Variants in NAALADL2 observed in about 807,000 individuals in gnomAD.
NAALADL2 encodes the protein N-acetylated alpha-linked acidic dipeptidase like 2.
A neutral mutation model predicts 87.2 loss-of-function variants in NAALADL2; 76 were observed. The ratio of observed to expected loss-of-function variants is 0.87; its 90% CI spans 0.72 to 1.05. The LOEUF (loss-of-function observed/expected upper bound fraction) is 1.05, where lower values mean the gene tolerates loss of function less well. Among genes scored for constraint, NAALADL2 ranks in the 50% least tolerant of loss-of-function variants. The pLI is 0.00. For missense variants in NAALADL2, 1,089 were observed against 945.8 expected (o/e 1.15, Z -1.99); for synonymous variants, 354 against 331.0 (o/e 1.07, Z -0.75).
chr3:174,625,057 CTTT>C (rs1553802468), intron 2 of NAALADL2, among the ~76,000 whole-genome samples: 6 of 78,840 alleles, frequency 7.6e-5, no homozygotes, highest in African/African-American at 2.5e-4. Flanking sequence ...CTCTCTCTCT[CTTT>C]TTTTTTTTTT....
intron 2 of NAALADL2, among the ~76,000 whole-genome samples, chr3:174,603,976 C>A (rs1276339508): frequency 6.6e-6 from 1 of 152,012 alleles, no homozygotes; most frequent in Admixed American, 6.6e-5. Flanking sequence ...GTTTTGTGAC[C>A]TTACATATGG....
chr3:175,283,865 C>T (rs1412991337), intron 4 of NAALADL2, among the ~76,000 whole-genome samples: 3 of 152,024 alleles, frequency 2.0e-5, no homozygotes, highest in African/African-American at 7.2e-5. Context: ...TATCTCTATA[C>T]CAAACGTTCT....
chr3:175,622,593 A>G (rs1726385962), intron 10 of NAALADL2, among the ~76,000 whole-genome samples: 1 of 152,084 alleles, frequency 6.6e-6, no homozygotes, highest in African/African-American at 2.4e-5. Flanking sequence ...ATTCCAGTCC[A>G]GATTCTGCCA....
intron 2 of NAALADL2, among the ~76,000 whole-genome samples, chr3:174,578,452 A>G (rs1428623433): frequency 6.6e-6 from 1 of 152,054 alleles, no homozygotes; most frequent in Non-Finnish European, 1.5e-5. Flanking sequence ...AGATCAGCAG[A>G]CAATGGGACA....
At chr3:175,478,188 A>T (rs1378970532) in intron 9 of NAALADL2, among the ~76,000 whole-genome samples, 1 of 151,866 alleles carries the variant, frequency 6.6e-6, no homozygotes, top group Non-Finnish European at 1.5e-5. Flanking sequence ...CATGAATTGC[A>T]ATTCTTTTCT....
At chr3:175,063,614 C>A (rs906602750) in intron 1 of NAALADL2, among the ~76,000 whole-genome samples, 1 of 152,014 alleles carries the variant, frequency 6.6e-6, no homozygotes, top group African/African-American at 2.4e-5. Context: ...GTAGTTGAGG[C>A]CACAGGAATG....
chr3:175,281,331 T>C (rs1047402359), intron 4 of NAALADL2, among the ~76,000 whole-genome samples: 1 of 151,874 alleles, frequency 6.6e-6, no homozygotes, highest in Non-Finnish European at 1.5e-5. Flanking sequence ...AAGGTTTAAT[T>C]GCCTCTTATA....
intron 2 of NAALADL2, among the ~76,000 whole-genome samples, chr3:174,725,088 C>T (rs78338514): frequency 0.014 from 2,077 of 152,192 alleles, 11 homozygotes; most frequent in Middle Eastern, 0.02. Flanking sequence ...TGTTTCCTCA[C>T]CCCCCAAAGG....
At chr3:175,011,290 G>C (rs1001005087) in intron 1 of NAALADL2, among the ~76,000 whole-genome samples, 48 of 146,914 alleles carry the variant, frequency 3.3e-4, no homozygotes, top group African/African-American at 8.0e-4. Context: ...CAGAGAGAGA[G>C]AGAGAGAGAG....
In NAALADL2 at chr3:174,604,374, A is replaced by T. The variant is rs551425215; in HGVS notation, c.-115+53737A>T. 2.6e-5 allele frequency among the ~76,000 whole-genome samples: 4 copies of T among 152,230 alleles called. No individual in the cohort carries two copies. In the South Asian group the frequency reaches 6.2e-4, roughly 24 times the overall value. ...GAAATCTATTTTTTCTGATTTAAGT[A>T]TAGTTACTCCTGCTGTTTTTTCATT... On this transcript the variant is annotated intron_variant, in intron 2 of 3. Transcript: ENST00000434257.
rs1225273192 is a variant in NAALADL2, at chr3:175,354,184, T to C, written c.1090+29859T>C. On this transcript the variant is annotated intron_variant, in intron 5 of 13. Coordinates refer to ENST00000454872, the MANE Select transcript of NAALADL2 (RefSeq NM_207015.3). Reference sequence around the variant, plus strand: ...TATCAAACAAGAAGAGCAGTAGTAATGTACCTTATCGATGACACCTTGATC... The same window carrying C: ...TATCAAACAAGAAGAGCAGTAGTAACGTACCTTATCGATGACACCTTGATC... Among the ~76,000 whole-genome samples, 4 of 152,310 alleles carry C rather than the reference T, an allele frequency of 2.6e-5. No individual in the cohort carries two copies. The South Asian group carries it at 8.3e-4, about 32-fold the overall frequency.
intron 2 of NAALADL2, among the ~76,000 whole-genome samples, chr3:174,648,344 A>G (rs1385261351): frequency 6.6e-6 from 1 of 151,912 alleles, no homozygotes; most frequent in Non-Finnish European, 1.5e-5. Context: ...AAAAAGAAAA[A>G]AAAAAAAACA....
intron 9 of NAALADL2, among the ~76,000 whole-genome samples, chr3:175,493,639 C>T (rs897228001): frequency 2.0e-5 from 3 of 152,088 alleles, no homozygotes; most frequent in Non-Finnish European, 1.5e-5. Context: ...GGCAACTTAA[C>T]TTTGGTCTGT....
intron 1 of NAALADL2, among the ~76,000 whole-genome samples, chr3:174,504,632 A>C (rs1446102666): frequency 1.3e-5 from 2 of 152,112 alleles, no homozygotes; most frequent in Non-Finnish European, 2.9e-5. Context: ...GAGAGTTTAC[A>C]TCTATTTACT....
rs772691410 is a variant in NAALADL2 at position 175,467,117 on chromosome 3, G to A, written c.1466G>A (p.Arg489Gln). The A allele has an allele frequency of 9.3e-6, 15 of 1,613,860 alleles. No homozygotes were observed. Among genetic ancestry groups the A allele is most frequent in the Non-Finnish European group, 1.3e-5 (15 of 1,179,822 alleles). The change falls in exon 8 of 14, where the codon CGA becomes CAA. Residue 489 changes from arginine (R) to glutamine (Q), a missense_variant. Coordinates refer to ENST00000454872, the MANE Select transcript of NAALADL2 (RefSeq NM_207015.3). ...GTTAAGAGAGGGTGGAGACCAGACC[G>A]AACTATTGTTTTCTGTTCTTGGGGA... ...SKVKRGWRPD[R>Q]TIVFCSWGGT...
intron 9 of NAALADL2, among the ~76,000 whole-genome samples, chr3:175,531,960 T>C (rs1734142183): frequency 6.6e-6 from 1 of 152,158 alleles, no homozygotes; most frequent in African/African-American, 2.4e-5. Flanking sequence ...TGCAATATTG[T>C]TTTTGATTTA....
intron 2 of NAALADL2, among the ~76,000 whole-genome samples, chr3:175,161,813 G>A (rs749147464): frequency 4.6e-5 from 7 of 152,040 alleles, no homozygotes; most frequent in Non-Finnish European, 8.8e-5. Context: ...TTAATGACTT[G>A]GCGGTCTGTG....
At chr3:174,961,984 G>A (rs1320154356) in intron 1 of NAALADL2, among the ~76,000 whole-genome samples, 4 of 120,476 alleles carry the variant, frequency 3.3e-5, no homozygotes, top group Non-Finnish European at 8.6e-5. Context: ...GTGATGGCAT[G>A]TCACTTCTGA....
At chr3:174,643,811 A>C (rs1159327607) in intron 2 of NAALADL2, among the ~76,000 whole-genome samples, 1 of 152,198 alleles carries the variant, frequency 6.6e-6, no homozygotes, top group Non-Finnish European at 1.5e-5. Flanking sequence ...CAGTGAAGTC[A>C]CAGAAGACCT....
Sources: gnomAD v4.1 joint callset for allele counts (sites outside exome capture counted in the v4.1 genomes callset) on GRCh38, gnomAD v4.1.1 for gene constraint, MANE v1.5 for transcripts, NCBI Gene and HGNC (gene_info 2026-07-23, HGNC 2026-07-21) for gene names.